The following EIF3H variants were observed in gnomAD, a reference collection of about 807,000 sequenced individuals.
EIF3H encodes eIF-3-gamma.
A neutral mutation model predicts 44.2 loss-of-function variants in EIF3H; 26 were observed. The ratio of observed to expected loss-of-function variants is 0.59; its 90% confidence interval spans 0.43 to 0.82. The LOEUF (loss-of-function observed/expected upper bound fraction) is 0.82, where lower values mean the gene tolerates loss of function less well. Ranked by LOEUF, EIF3H falls within the 40% of genes least tolerant of loss-of-function variation. The pLI is 0.00. For synonymous variants in EIF3H, 166 were observed against 151.9 expected (o/e 1.09, Z -0.68); for missense variants, 359 against 432.8 (o/e 0.83, Z 1.51).
rs144568863 is a variant in EIF3H, at chr8:116,657,946, G to A, written c.458-632C>T. On this transcript the variant is annotated intron_variant, in intron 3 of 7. Transcript: ENST00000521861. ...TAACGGCTCTGGCATGCCAATATTC[G>A]CCTAAAACCTGTGTTAACATTCATG... Among the ~76,000 whole-genome samples, 16 of 152,244 alleles carry A rather than the reference G, an allele frequency of 1.1e-4. No individual in the cohort carries two copies. In the East Asian group the frequency reaches 1.2e-3, roughly 11 times the overall value.
At chr8:116,731,646 A>G (rs527625743) in intron 1 of EIF3H, among the ~76,000 whole-genome samples, 1 of 152,348 alleles carries the variant, frequency 6.6e-6, no homozygotes, top group East Asian at 1.9e-4. Context: ...TAGTTGGAAC[A>G]ATCTCTACAG....
intron 2 of EIF3H, among the ~76,000 whole-genome samples, chr8:116,723,936 T>C (rs746769702): frequency 6.6e-5 from 10 of 152,188 alleles, no homozygotes; most frequent in Non-Finnish European, 8.8e-5. Flanking sequence ...AAAATCACAA[T>C]GACATTTTTT....
chr8:116,747,562 C>G (rs897873205), intron 1 of EIF3H, among the ~76,000 whole-genome samples: 3 of 152,134 alleles, frequency 2.0e-5, no homozygotes, highest in Non-Finnish European at 4.4e-5. Context: ...AAACAACTTA[C>G]GTATGCACCA....
intron 1 of EIF3H, 117 bp from the exon 2 acceptor site, chr8:116,726,289 G>C: frequency 2.7e-6 from 3 of 1,094,812 alleles, no homozygotes; most frequent in South Asian, 3.8e-5. Flanking sequence ...AATTAAATAA[G>C]AGGAATAAAT....
intron 2 of EIF3H, among the ~76,000 whole-genome samples, chr8:116,702,960 T>C (rs1376000201): frequency 6.6e-6 from 1 of 152,126 alleles, no homozygotes; most frequent in Non-Finnish European, 1.5e-5. Context: ...TCATAAGGAA[T>C]GTGCAGCCTA....
At chr8:116,685,863 G>C in intron 2 of EIF3H, among the ~76,000 whole-genome samples, 1 of 152,118 alleles carries the variant, frequency 6.6e-6, no homozygotes, top group Non-Finnish European at 1.5e-5. Context: ...TCCCAAACAA[G>C]GAAAGATCTG....
chr8:116,648,827 T>A lies in EIF3H; in HGVS notation c.807A>T (p.Lys269Asn). 6.2e-7 allele frequency: 1 copy of A among 1,607,346 alleles called. No homozygotes were observed. The highest frequency in any genetic ancestry group is 2.2e-5 in the East Asian group (1 of 44,450). ...CAACCTGATGTTTCTGCTGCTGTTGTTTACTAGTATTCCTCATGTATGTGT... is the reference window on the plus strand; with the variant it reads ...CAACCTGATGTTTCTGCTGCTGTTGATTACTAGTATTCCTCATGTATGTGT... ...KYNTYMRNTS[K>N]QQQQKHQYQQ... The change falls in exon 6 of 8, where the codon AAA (lysine) becomes AAT (asparagine). Residue 269 changes from lysine (K) to asparagine (N), a missense_variant. By Grantham distance (94) the Lys-to-Asn change is moderately conservative. This residue lies in a region of EIF3H where 30 missense variants were observed against 59.5 expected (regional missense o/e 0.50). Coordinates refer to ENST00000521861, the MANE Select transcript of EIF3H (RefSeq NM_003756.3).
intron 2 of EIF3H, among the ~76,000 whole-genome samples, chr8:116,663,713 T>C (rs1813618966): frequency 6.6e-6 from 1 of 151,972 alleles, no homozygotes; most frequent in East Asian, 1.9e-4. Context: ...GGTGGATCAC[T>C]TGAGGTCAGG....
chr8:116,673,226 C>T (rs752725862), intron 2 of EIF3H, among the ~76,000 whole-genome samples: 211 of 152,276 alleles, frequency 1.4e-3, no homozygotes, highest in Non-Finnish European at 1.8e-3. Context: ...CATTTGGTCA[C>T]TGCCGGAGGA....
chr8:116,752,719 A>G (rs1187444233), intron 1 of EIF3H, among the ~76,000 whole-genome samples: 3 of 121,950 alleles, frequency 2.5e-5, no homozygotes, highest in East Asian at 2.6e-4. Flanking sequence ...AAAGAAAGAA[A>G]GAAAGAAAGA....
chr8:116,660,304 T>TTA (rs1813565059), intron 2 of EIF3H, among the ~76,000 whole-genome samples: 1 of 152,230 alleles, frequency 6.6e-6, no homozygotes, highest in Admixed American at 6.5e-5. Flanking sequence ...AAAGAAAAGT[T>TTA]ATATATCTGT....
At chr8:116,660,782 C>G (rs1466643668) in intron 2 of EIF3H, among the ~76,000 whole-genome samples, 1 of 152,052 alleles carries the variant, frequency 6.6e-6, no homozygotes, top group Non-Finnish European at 1.5e-5. Context: ...TACCAGACAC[C>G]AGACACCAGA....
At chr8:116,724,695 C>G (rs1814804601) in intron 2 of EIF3H, among the ~76,000 whole-genome samples, 1 of 152,054 alleles carries the variant, frequency 6.6e-6, no homozygotes, top group African/African-American at 2.4e-5. Context: ...AGATGCTCAA[C>G]ATCAGTAATC....
intron 2 of EIF3H, among the ~76,000 whole-genome samples, chr8:116,660,760 G>C (rs1666238983): frequency 6.6e-6 from 1 of 152,094 alleles, no homozygotes; most frequent in Admixed American, 6.6e-5. Context: ...AAGGGTATGG[G>C]GGAGAAGGTG....
At chr8:116,709,446 C>T (rs1290591065) in intron 2 of EIF3H, among the ~76,000 whole-genome samples, 1 of 152,124 alleles carries the variant, frequency 6.6e-6, no homozygotes, top group East Asian at 1.9e-4. Flanking sequence ...ATGGTTAACA[C>T]AATTTTGTAA....
Position 116,737,454 on chromosome 8 carries a change from G to A in EIF3H, c.133-11282C>T, listed in dbSNP as rs144173535. Among the ~76,000 whole-genome samples the A allele has an allele frequency of 3.4e-3, 518 of 152,190 alleles. 5 individuals carry two copies. Among genetic ancestry groups the A allele is most frequent in the African/African-American group, 0.012 (490 of 41,536 alleles). On this transcript the variant is annotated intron_variant, in intron 1 of 7. Transcript: ENST00000521861. ...ACCGATTACCTGAGGTCAGGAGTTC[G>A]AGACCACTCTGGCCAACATGGTGAA...
At chr8:116,704,504 A>G (rs973326437) in intron 2 of EIF3H, among the ~76,000 whole-genome samples, 4 of 152,222 alleles carry the variant, frequency 2.6e-5, no homozygotes, top group Middle Eastern at 3.2e-3. Flanking sequence ...GATAGAGGGG[A>G]AAAATTTCTT....
chr8:116,708,711 A>C (rs930905176), intron 2 of EIF3H, among the ~76,000 whole-genome samples: 3 of 152,108 alleles, frequency 2.0e-5, no homozygotes, highest in Admixed American at 1.3e-4. Context: ...TGAGAGCAGT[A>C]CTTTATTCTT....
Position 116,646,362 on chromosome 8 carries a change from C to G in EIF3H, c.961+109G>C, listed in dbSNP as rs540373395. 199 of 1,503,494 alleles carry G rather than the reference C, an allele frequency of 1.3e-4. No homozygotes were observed. The Admixed American group carries it at 1.6e-3, about 12-fold the overall frequency. The allele number at this position is 1,503,494 out of a possible 1,614,324, so 93.1% of individuals were successfully genotyped here. On this transcript the variant is annotated intron_variant, in intron 7 of 7. Coordinates refer to ENST00000521861, the MANE Select transcript of EIF3H (RefSeq NM_003756.3). ...ATTCAAATTCATCCTGCAACTATTT[C>G]AAACATACTAGCTTTTACGGCATGC...
Sources: allele counts gnomAD v4.1 joint callset (sites outside exome capture counted in the v4.1 genomes callset), GRCh38; gene constraint gnomAD v4.1.1; regional missense constraint gnomAD v4.1.1; transcripts MANE v1.5; gene names NCBI Gene and HGNC (gene_info 2026-07-23, HGNC 2026-07-21).